Variants in ZDHHC13 observed in about 807,000 individuals in gnomAD.
The protein encoded by ZDHHC13 is palmitoyltransferase ZDHHC13.
Under a neutral mutation model 86.0 loss-of-function variants are expected in ZDHHC13, and 85 were observed. The ratio of observed to expected loss-of-function variants is 0.99; its 90% CI spans 0.83 to 1.18. ZDHHC13 has a LOEUF of 1.18. Ranked by LOEUF, ZDHHC13 falls within the 50% of genes most tolerant of loss-of-function variation. The pLI, the probability that ZDHHC13 is intolerant of heterozygous loss-of-function variation, is 0.00. For missense variants in ZDHHC13, 711 were observed against 730.2 expected, an observed-to-expected ratio of 0.97 and a Z score of 0.30; for synonymous variants, 263 against 246.4, an observed-to-expected ratio of 1.07 and a Z score of -0.63.
chr11:19,145,070 C>T (rs985709810), intron 2 of ZDHHC13, among the ~76,000 whole-genome samples: 1 of 151,838 alleles, frequency 6.6e-6, no homozygotes, highest in African/African-American at 2.4e-5. Context: ...GATTGCGCCA[C>T]TGCACTCCAG....
chr11:19,133,172 A>G (rs1169306665), intron 1 of ZDHHC13, among the ~76,000 whole-genome samples: 3 of 152,206 alleles, frequency 2.0e-5, no homozygotes, highest in Non-Finnish European at 4.4e-5. Context: ...TTACACATTC[A>G]TCAGATTGGC....
chr11:19,125,655 C>A (rs1035737293), intron 1 of ZDHHC13, among the ~76,000 whole-genome samples: 2 of 152,150 alleles, frequency 1.3e-5, no homozygotes, highest in Admixed American at 6.5e-5. Flanking sequence ...TTTTTAGCAG[C>A]TCTGTTTATG....
At chr11:19,159,405 A>T (rs548520764) in intron 10 of ZDHHC13, among the ~76,000 whole-genome samples, 5 of 152,294 alleles carry the variant, frequency 3.3e-5, no homozygotes, top group African/African-American at 7.2e-5. Flanking sequence ...GAGTACTAAG[A>T]CGGACTGCAT....
intron 12 of ZDHHC13, 167 bp from the exon 13 acceptor site, chr11:19,164,883 CAT>C: frequency 3.3e-6 from 2 of 602,300 alleles, no homozygotes; most frequent in Non-Finnish European, 5.9e-6. Flanking sequence ...TCAAAGTAGA[CAT>C]ATGGAAGTAA....
At chr11:19,174,515 C>T (rs1247662753) in intron 16 of ZDHHC13, among the ~76,000 whole-genome samples, 2 of 152,262 alleles carry the variant, frequency 1.3e-5, no homozygotes, top group South Asian at 2.1e-4. Flanking sequence ...ATGCAGAACA[C>T]AATCTTCTAA....
chr11:19,165,098 G>A lies in ZDHHC13; in HGVS notation c.1343G>A (p.Cys448Tyr), dbSNP rs749680019. The A allele has an allele frequency of 1.2e-6, 2 of 1,613,080 alleles. No individual in the cohort carries two copies. The highest frequency in any genetic ancestry group is 4.5e-5 in the East Asian group (2 of 44,878). Reference sequence around the variant, plus strand: ...CTCCACTGCCATGTATGCAACTGCTGTGTGGCTCGATATGATCAACACTGC... The same window carrying A: ...CTCCACTGCCATGTATGCAACTGCTATGTGGCTCGATATGATCAACACTGC... ...RSLHCHVCNCCVARYDQHCLW... is the reference protein window; with the variant it reads ...RSLHCHVCNCYVARYDQHCLW... Residue 448 changes from cysteine (C) to tyrosine (Y), a missense_variant, in exon 13 of 17, where the codon TGT becomes TAT. Cys to Tyr is a radical substitution (Grantham distance 194). Transcript: ENST00000446113.
chr11:19,162,466 A>T (rs886577405), intron 10 of ZDHHC13, among the ~76,000 whole-genome samples: 5 of 152,134 alleles, frequency 3.3e-5, no homozygotes, highest in African/African-American at 4.8e-5. Context: ...GGAAAATATA[A>T]GTTAGGTTTT....
chr11:19,169,658 A>G, intron 14 of ZDHHC13: 1 of 985,452 alleles, frequency 1.0e-6, no homozygotes, highest in Non-Finnish European at 1.2e-6. Flanking sequence ...GATTTACATA[A>G]CCTTGAAGAT....
At chr11:19,131,808 AT>A (rs1192724031) in intron 1 of ZDHHC13, among the ~76,000 whole-genome samples, 1 of 151,866 alleles carries the variant, frequency 6.6e-6, no homozygotes, top group African/African-American at 2.4e-5. Context: ...TAATTTTTGT[AT>A]TTTTAGTAGA....
In ZDHHC13 at chr11:19,117,202, C is replaced by A; in HGVS notation, c.-48C>A. 5.2e-6 allele frequency: 8 copies of A among 1,529,552 alleles called. No homozygotes were observed. The highest frequency in any genetic ancestry group is 7.0e-6 in the Non-Finnish European group (8 of 1,141,640). 94.7% of individuals were successfully genotyped at this position (1,529,552 alleles called of 1,614,324 possible). On this transcript the variant is annotated 5_prime_UTR_variant, in exon 1 of 17. Coordinates refer to ENST00000446113, the MANE Select transcript of ZDHHC13 (RefSeq NM_019028.3). The surrounding 1 kb of genome is among the most constrained non-coding windows in gnomAD (Gnocchi z 4.2). The stretch of plus-strand genomic sequence containing the variant: ...CCAAGGCGGGCTGGCGGGCTGGCGG[C>A]AGTCGCTACTTGCCTAGTAGCCTCA...
intron 9 of ZDHHC13, among the ~76,000 whole-genome samples, chr11:19,158,216 G>GT (rs1191233727): frequency 6.6e-6 from 1 of 151,850 alleles, no homozygotes; most frequent in Non-Finnish European, 1.5e-5. Context: ...GTTAATCATT[G>GT]TTTTTTCCTG....
At position 19,158,950 on chromosome 11, in the gene ZDHHC13, G is replaced by A. The variant is rs1044383479; in HGVS notation, c.1018G>A (p.Gly340Arg). 10 of 1,526,600 alleles carry A rather than the reference G, an allele frequency of 6.6e-6. No individual in the cohort carries two copies. The highest frequency in any genetic ancestry group is 7.9e-6 in the Non-Finnish European group (9 of 1,136,756). 94.6% of individuals were successfully genotyped at this position (1,526,600 alleles called of 1,614,324 possible). ...LTSLFPRFLV[G>R]YKNLVYLPTA... ...TCTTTTTTCTTTTAGGTTCTTGGTT[G>A]GGTATAAGAACCTTGTATACTTACC... Residue 340 changes from glycine to arginine, a missense_variant, in exon 10 of 17, where the codon GGG becomes AGG. Transcript: ENST00000446113.
In ZDHHC13 at chr11:19,142,968, T is replaced by C; in HGVS notation, c.28-10T>C. On this transcript the variant is annotated splice_polypyrimidine_tract_variant and intron_variant, in intron 1 of 16. Transcript: ENST00000446113. The stretch of plus-strand genomic sequence containing the variant: ...CTCTCATGCTTTGTCAAATGACTCT[T>C]ACTCTTCAGTGCAGGAATCACAGCC... 2 of 1,598,228 alleles carry C rather than the reference T, an allele frequency of 1.3e-6. No individual in the cohort carries two copies. Among genetic ancestry groups the C allele is most frequent in the South Asian group, 1.1e-5 (1 of 88,884 alleles).
Position 19,170,588 on chromosome 11 carries a change from TA to T in ZDHHC13, c.1632+22del. On this transcript the variant is annotated intron_variant, in intron 15 of 16. Transcript: ENST00000446113. ...TTTCAGGTATTTATTTCTCTTCTTA[TA>T]ATGGCTTTGAGTAAAATTTCTAAAA... 6.6e-7 allele frequency: 1 copy of T among 1,506,754 alleles called. No individual in the cohort carries two copies. Among genetic ancestry groups the T allele is most frequent in the Non-Finnish European group, 8.8e-7 (1 of 1,134,102 alleles). 93.3% of individuals were successfully genotyped at this position (1,506,754 alleles called of 1,614,324 possible).
chr11:19,152,494 A>T (rs1222243481), intron 7 of ZDHHC13, 65 bp from the exon 8 acceptor site: 15 of 1,488,224 alleles, frequency 1.0e-5, no homozygotes, highest in Middle Eastern at 1.9e-4. Flanking sequence ...GTGTTTTTAA[A>T]AAAAGTTTAG....
At chr11:19,164,099 A>G (rs902261896) in intron 11 of ZDHHC13, among the ~76,000 whole-genome samples, 4 of 152,178 alleles carry the variant, frequency 2.6e-5, no homozygotes, top group Non-Finnish European at 5.9e-5. Context: ...ATTTTTATGC[A>G]TCCTAATTTA....
At chr11:19,135,583 G>GGCCT (rs1434850689) in intron 1 of ZDHHC13, among the ~76,000 whole-genome samples, 2 of 152,250 alleles carry the variant, frequency 1.3e-5, no homozygotes, top group African/African-American at 2.4e-5. Context: ...AGCTCAAGGA[G>GGCCT]GCCTGCCTGC....
chr11:19,169,418 G>T (rs1850159248), intron 14 of ZDHHC13: 2 of 985,296 alleles, frequency 2.0e-6, no homozygotes, highest in African/African-American at 1.7e-5. Flanking sequence ...GAGACTTAAA[G>T]AGAAAAGAAA....
At chr11:19,146,817 CAT>C (rs1231690229) in intron 3 of ZDHHC13, among the ~76,000 whole-genome samples, 3 of 152,046 alleles carry the variant, frequency 2.0e-5, no homozygotes, top group Non-Finnish European at 4.4e-5. Context: ...GTAAAATGTA[CAT>C]GTGTATGTGA....
Sources: gnomAD v4.1 joint callset for allele counts (sites outside exome capture counted in the v4.1 genomes callset) on GRCh38, gnomAD v4.1.1 for gene constraint, Gnocchi (gnomAD v3.1) non-coding constraint, MANE v1.5 for transcripts, NCBI Gene and HGNC (gene_info 2026-07-23, HGNC 2026-07-21) for gene names.